The following PCDHA1 variants were observed in gnomAD, a reference collection of about 807,000 sequenced individuals.
PCDHA1 encodes the protein protocadherin alpha-1.
Under a neutral mutation model 61.3 loss-of-function variants are expected in PCDHA1, and 42 were observed. The observed-to-expected ratio is 0.69, with a 90% CI of 0.54 to 0.89. PCDHA1 has a LOEUF of 0.89. PCDHA1 is among the 40% of genes least tolerant of loss of function. PCDHA1 has a pLI of 0.00. For synonymous variants in PCDHA1, 610 were observed against 553.8 expected (o/e 1.10, Z -1.43); for missense variants, 1,256 against 1,235.3 (o/e 1.02, Z -0.25).
chr5:140,921,486 G>A (rs782660925), intron 1 of PCDHA1, among the ~76,000 whole-genome samples: 1 of 152,128 alleles, frequency 6.6e-6, no homozygotes, highest in African/African-American at 2.4e-5. Flanking sequence ...CTCTACCTGA[G>A]ATTAGTTTAT....
intron 1 of PCDHA1, chr5:140,829,138 G>A: frequency 6.2e-7 from 1 of 1,613,472 alleles, no homozygotes; most frequent in Non-Finnish European, 8.5e-7. Context: ...ACGTCCCTGA[G>A]ATAGCACTGA....
At chr5:140,857,904 T>C in intron 1 of PCDHA1, 2 of 1,597,710 alleles carry the variant, frequency 1.3e-6, no homozygotes, top group South Asian at 1.1e-5. Context: ...GGTGCACGCA[T>C]CCCGTTTCGC....
chr5:140,823,039 C>T lies in PCDHA1; in HGVS notation c.2394+34355C>T, dbSNP rs2150121601. On this transcript the variant is annotated intron_variant, in intron 1 of 3. Coordinates refer to ENST00000504120, the MANE Select transcript of PCDHA1 (RefSeq NM_018900.4). ...CCGCGAGAGCGTGTCGGTCTATGAGCTGGTGGTGACCGCGCGGGACGGGGG... is the reference window on the plus strand; with the variant it reads ...CCGCGAGAGCGTGTCGGTCTATGAGTTGGTGGTGACCGCGCGGGACGGGGG... 14 of 1,614,092 alleles carry T rather than the reference C, an allele frequency of 8.7e-6. 1 individual carries two copies. The South Asian group carries it at 1.1e-4, about 13-fold the overall frequency.
chr5:140,817,568 T>A (rs1373066200), intron 1 of PCDHA1: 1 of 152,252 alleles, frequency 6.6e-6, no homozygotes, highest in African/African-American at 2.4e-5. Flanking sequence ...ATTACCTCAA[T>A]TAAATCAATA....
At chr5:140,809,150 G>T in intron 1 of PCDHA1, 1 of 1,613,976 alleles carries the variant, frequency 6.2e-7, no homozygotes, top group Non-Finnish European at 8.5e-7. Context: ...GAAGGACCAC[G>T]GCGAGCCCGC....
At chr5:140,876,443 A>C in intron 1 of PCDHA1, 1 of 1,614,012 alleles carries the variant, frequency 6.2e-7, no homozygotes, top group Non-Finnish European at 8.5e-7. Context: ...AACGCCATTG[A>C]TAAAGGGATT....
rs1344675374 is a variant in PCDHA1 at position 140,952,992 on chromosome 5, ACT to A, written c.2395-25951_2395-25950del. Among the ~76,000 whole-genome samples, 6 of 151,892 alleles carry A rather than the reference ACT, an allele frequency of 4.0e-5. No individual in the cohort carries two copies. In the East Asian group the frequency reaches 7.7e-4, roughly 20 times the overall value. On this transcript the variant is annotated intron_variant, in intron 1 of 3. Transcript: ENST00000504120. ...TTTTAAACAACAAGATCTCATGAGAACTCTCTCACTATTATGAGAACAACATT... is the reference window on the plus strand; with the variant it reads ...TTTTAAACAACAAGATCTCATGAGAACTCTCACTATTATGAGAACAACATT...
rs548005037 is a variant in PCDHA1, at chr5:140,798,879, T to C, written c.2394+10195T>C. On this transcript the variant is annotated intron_variant, in intron 1 of 3. Transcript: ENST00000504120. ...CGGTCCTCTACTATTTAGTTCTTAG[T>C]TATTTGCTGTTTATTCTAAATATAT... Among the ~76,000 whole-genome samples the C allele has an allele frequency of 1.9e-4, 29 of 152,340 alleles. No homozygotes were observed. In the East Asian group the frequency reaches 3.7e-3, roughly 19 times the overall value.
In PCDHA1 at chr5:140,875,872, A is replaced by C. The variant is rs1554168004; in HGVS notation, c.2394+87188A>C. Reference sequence around the variant, plus strand: ...CATTAACGACAACCCGCCGGTGTTCAGAGAAAGGGAACAAAAGGTACCTGT... The same window carrying C: ...CATTAACGACAACCCGCCGGTGTTCCGAGAAAGGGAACAAAAGGTACCTGT... On this transcript the variant is annotated intron_variant, in intron 1 of 3. Coordinates refer to ENST00000504120, the MANE Select transcript of PCDHA1 (RefSeq NM_018900.4). 1.9e-6 allele frequency: 3 copies of C among 1,614,224 alleles called. No individual in the cohort carries two copies. In the East Asian group the frequency reaches 6.7e-5, roughly 36 times the overall value.
chr5:140,958,422 C>A (rs1436234763), intron 1 of PCDHA1, among the ~76,000 whole-genome samples: 1 of 152,120 alleles, frequency 6.6e-6, no homozygotes, highest in African/African-American at 2.4e-5. Context: ...TGGAAAGAAG[C>A]ACTTTTTATA....
chr5:140,882,798 A>G, intron 1 of PCDHA1: 1 of 1,614,236 alleles, frequency 6.2e-7, no homozygotes, highest in South Asian at 1.1e-5. Context: ...CCCAACGATT[A>G]TTTCACTTTG....
chr5:140,824,195 C>T, intron 1 of PCDHA1: 1 of 1,600,340 alleles, frequency 6.2e-7, no homozygotes, highest in Non-Finnish European at 8.6e-7. Flanking sequence ...CACATTCACC[C>T]ACTTTTTTTG....
chr5:141,009,716 C>A lies in PCDHA1; in HGVS notation c.2632C>A (p.Gln878Lys). Residue 878 changes from glutamine (Q) to lysine (K), a missense_variant, in exon 4 of 4, where the codon CAA becomes AAA. Transcript: ENST00000504120. ...TFKYGPGNPK[Q>K]SGPGELPDKF... is the part of the protein sequence containing the mutation. ...TAAATACGGACCAGGCAACCCCAAACAATCCGGTCCCGGTGAGTTGCCCGA... is the reference window on the plus strand; with the variant it reads ...TAAATACGGACCAGGCAACCCCAAAAAATCCGGTCCCGGTGAGTTGCCCGA... 3 of 1,614,168 alleles carry A rather than the reference C, an allele frequency of 1.9e-6. No homozygotes were observed. The highest frequency in any genetic ancestry group is 2.5e-6 in the Non-Finnish European group (3 of 1,180,034).
intron 1 of PCDHA1, among the ~76,000 whole-genome samples, chr5:140,959,620 G>GA (rs1247214459): frequency 4.6e-5 from 7 of 151,966 alleles, no homozygotes; most frequent in African/African-American, 1.4e-4. Context: ...GCTTGTGATA[G>GA]AAAAAAAGAG....
chr5:140,808,521 T>G, intron 1 of PCDHA1: 1 of 1,613,976 alleles, frequency 6.2e-7, no homozygotes, highest in Non-Finnish European at 8.5e-7. Flanking sequence ...TCTGTGGAGG[T>G]GGCTGATGTG....
chr5:140,813,254 C>T (rs1554126149), intron 1 of PCDHA1: 1 of 152,178 alleles, frequency 6.6e-6, no homozygotes, highest in East Asian at 1.9e-4. Flanking sequence ...TCTCCTACTA[C>T]AGTCATTGGA....
chr5:140,822,107 G>T, intron 1 of PCDHA1: 1 of 1,614,274 alleles, frequency 6.2e-7, no homozygotes, highest in Non-Finnish European at 8.5e-7. Context: ...ATCGTGGACA[G>T]GCCGCTGCAG....
chr5:140,884,529 G>C lies in PCDHA1; in HGVS notation c.2395-94420G>C. On this transcript the variant is annotated intron_variant, in intron 1 of 3. Transcript: ENST00000504120. Reference sequence around the variant, plus strand: ...GGGAGTTGGTCGTACTCGCAGCAGAGGCGGCCGAGGGTGTGCTCTGGGGAG... The same window carrying C: ...GGGAGTTGGTCGTACTCGCAGCAGACGCGGCCGAGGGTGTGCTCTGGGGAG... 2.5e-6 allele frequency: 4 copies of C among 1,614,068 alleles called. No individual in the cohort carries two copies. Among genetic ancestry groups the C allele is most frequent in the Non-Finnish European group, 3.4e-6 (4 of 1,179,986 alleles).
At position 140,924,901 on chromosome 5, in the gene PCDHA1, A is replaced by AAAAT. The variant is rs1554202314; in HGVS notation, c.2395-54045_2395-54044insTAAA. ...CAGAGCAAGAACCTGTCTCAAAAAA[A>AAAAT]AAAATAAAATAAAATAAAATAAAAT... On this transcript the variant is annotated intron_variant, in intron 1 of 3. Coordinates refer to ENST00000504120, the MANE Select transcript of PCDHA1 (RefSeq NM_018900.4). 7.3e-4 allele frequency among the ~76,000 whole-genome samples: 59 copies of AAAAT among 80,496 alleles called. 1 individual carries two copies. The highest frequency in any genetic ancestry group is 6.1e-3 in the Middle Eastern group (1 of 164). The allele number at this position is 80,496 out of a possible 152,430, so 52.8% of individuals were successfully genotyped here. A position where few individuals can be genotyped will look rare whatever the true frequency, so the allele number is the denominator to read the frequency against.
Sources: allele counts gnomAD v4.1 joint callset (sites outside exome capture counted in the v4.1 genomes callset), GRCh38; gene constraint gnomAD v4.1.1; transcripts MANE v1.5; gene names NCBI Gene and HGNC (gene_info 2026-07-23, HGNC 2026-07-21).